The following NIN variants were observed in gnomAD, a reference collection of about 807,000 sequenced individuals.
The protein encoded by NIN is glycogen synthase kinase 3 beta-interacting protein.
In NIN, 137 loss-of-function variants were observed where a neutral mutation model predicts 257.6. The ratio of observed to expected loss-of-function variants is 0.53; its 90% confidence interval spans 0.46 to 0.61. NIN has a LOEUF of 0.61. NIN is among the 20% of genes least tolerant of loss of function. NIN has a pLI of 0.00. For missense variants in NIN, 2,439 were observed against 2,501.2 expected (o/e 0.98, Z 0.53); for synonymous variants, 918 against 919.8 (o/e 1.00, Z 0.04).
At chr14:50,759,160 T>C (rs1374714750) in intron 17 of NIN, among the ~76,000 whole-genome samples, 4 of 152,208 alleles carry the variant, frequency 2.6e-5, no homozygotes, top group African/African-American at 7.2e-5. Context: ...AATGTAAGCA[T>C]GGAGTGCTGT....
intron 18 of NIN, 73 bp from the exon 19 acceptor site, chr14:50,754,940 C>T: frequency 1.9e-6 from 2 of 1,061,010 alleles, no homozygotes; most frequent in South Asian, 1.6e-5. Flanking sequence ...TTTCTAGTAA[C>T]TTCCAAAAGG....
chr14:50,787,838 T>A (rs1243675671), intron 5 of NIN, among the ~76,000 whole-genome samples: 4 of 151,936 alleles, frequency 2.6e-5, no homozygotes, highest in African/African-American at 9.7e-5. Context: ...TTAGCTAGGT[T>A]ACAGTAGCCT....
intron 29 of NIN, among the ~76,000 whole-genome samples, chr14:50,728,926 A>C (rs527408029): frequency 6.6e-6 from 1 of 152,360 alleles, no homozygotes; most frequent in South Asian, 2.1e-4. Context: ...ATTTGTTGTG[A>C]AAAGTCATCA....
At chr14:50,827,075 C>T (rs180877339) in intron 2 of NIN, among the ~76,000 whole-genome samples, 10 of 152,318 alleles carry the variant, frequency 6.6e-5, no homozygotes, top group South Asian at 6.2e-4. Flanking sequence ...AGCCTAATAA[C>T]GCCAATGATC....
In NIN at chr14:50,823,195, T is replaced by G. The variant is rs766882330; in HGVS notation, c.-21-1118A>C. The G allele has an allele frequency of 8.8e-6, 5 of 568,618 alleles. No individual in the cohort carries two copies. In the Admixed American group the frequency reaches 9.6e-5, roughly 11 times the overall value. The allele number at this position is 568,618 out of a possible 1,614,324, so 35.2% of individuals were successfully genotyped here. ...CTTGCATGACAGTTCATTTTTAACG[T>G]GCTGGATTTTCCGATGAAAGCCTGA... On this transcript the variant is annotated intron_variant, in intron 2 of 30. Transcript: ENST00000530997.
At position 50,763,875 on chromosome 14, in the gene NIN, T is replaced by C. The variant is rs1199605165; in HGVS notation, c.1725A>G (p.Ser575=). Residue 575 remains serine, a synonymous_variant, in exon 15 of 31, where the codon TCA becomes TCG. Transcript: ENST00000530997. The part of the protein sequence containing the change: ...GRVLRLPLKN[S]PSEEVEANSG... ...TGTTAGCCTCAACTTCTTCTGACGGTGAGTTCTTCAACGGAAGCCTGAGCA... is the reference window on the plus strand; with the variant it reads ...TGTTAGCCTCAACTTCTTCTGACGGCGAGTTCTTCAACGGAAGCCTGAGCA... The C allele has an allele frequency of 6.2e-7, 1 of 1,614,086 alleles. No individual in the cohort carries two copies. Among genetic ancestry groups the C allele is most frequent in the Admixed American group, 1.7e-5 (1 of 60,024 alleles).
At chr14:50,831,179 G>A (rs1384714423), upstream of NIN, 1 of 150,998 alleles carries the variant, frequency 6.6e-6, no homozygotes, top group Non-Finnish European at 1.5e-5. Context: ...GCGCGGGGAG[G>A]AGGAGTCAGG....
chr14:50,723,958 G>T, intron 30 of NIN: 2 of 332,712 alleles, frequency 6.0e-6, no homozygotes, highest in South Asian at 9.5e-5. Flanking sequence ...ACCTAAATAG[G>T]CATTATTTCT....
chr14:50,730,655 T>A (rs1398954008), intron 28 of NIN, among the ~76,000 whole-genome samples: 1 of 152,202 alleles, frequency 6.6e-6, no homozygotes, highest in Non-Finnish European at 1.5e-5. Flanking sequence ...TAGTTGTAGA[T>A]TCAGAAAACC....
chr14:50,816,373 A>T (rs1397864414), intron 3 of NIN, among the ~76,000 whole-genome samples: 1 of 152,170 alleles, frequency 6.6e-6, no homozygotes, highest in Non-Finnish European at 1.5e-5. Context: ...ATCAAAGTTG[A>T]AGGGAAAAAT....
chr14:50,811,717 C>T (rs113337019), intron 3 of NIN, among the ~76,000 whole-genome samples: 6,837 of 151,654 alleles, frequency 0.045, 275 homozygotes, highest in East Asian at 0.14. Flanking sequence ...CTTAGCAACA[C>T]GGTGAAATCC....
chr14:50,725,708 CA>C (rs2040381777), intron 30 of NIN: 1 of 595,138 alleles, frequency 1.7e-6, no homozygotes, highest in Admixed American at 3.2e-5. Flanking sequence ...ATCATGTTAG[CA>C]AAGATTTACA....
intron 10 of NIN, 76 bp downstream of exon 10, chr14:50,771,256 C>A: frequency 6.5e-7 from 1 of 1,534,018 alleles, no homozygotes; most frequent in Non-Finnish European, 8.9e-7. Flanking sequence ...AGAAGGATGT[C>A]CATCCAAGGC....
chr14:50,720,257 A>T lies in NIN; in HGVS notation c.*3206T>A. 1 of 222,666 alleles carries T rather than the reference A, an allele frequency of 4.5e-6. No individual in the cohort carries two copies. Among genetic ancestry groups the T allele is most frequent in the East Asian group, 6.5e-5 (1 of 15,284 alleles). 13.8% of individuals were successfully genotyped at this position (222,666 alleles called of 1,614,324 possible). On this transcript the variant is annotated 3_prime_UTR_variant, in exon 31 of 31. Transcript: ENST00000530997. ...TCCAATGAGTCACTACAGGTAATCC[A>T]TTCAAAACATGACTTGCTTAATACT...
chr14:50,815,196 A>C (rs1237416120), intron 3 of NIN, among the ~76,000 whole-genome samples: 1 of 152,218 alleles, frequency 6.6e-6, no homozygotes, highest in Non-Finnish European at 1.5e-5. Flanking sequence ...CATTTACAAG[A>C]AAAAAACAAA....
chr14:50,811,647 C>T (rs1162847399), intron 3 of NIN, among the ~76,000 whole-genome samples: 1 of 138,928 alleles, frequency 7.2e-6, no homozygotes, highest in African/African-American at 2.7e-5. Context: ...CACCTGTAAT[C>T]CCAGCACTTT....
At chr14:50,734,598 T>C (rs369187456) in intron 28 of NIN, among the ~76,000 whole-genome samples, 1 of 152,196 alleles carries the variant, frequency 6.6e-6, no homozygotes, top group South Asian at 2.1e-4. Flanking sequence ...ATCCTATAAT[T>C]AAACTCGGTA....
At chr14:50,781,347 T>C (rs1026147047) in intron 5 of NIN, among the ~76,000 whole-genome samples, 5 of 152,126 alleles carry the variant, frequency 3.3e-5, no homozygotes, top group East Asian at 1.9e-4. Context: ...AGAGTCCCAG[T>C]TGGAATATAC....
At chr14:50,780,035 G>A (rs559371706) in intron 5 of NIN, among the ~76,000 whole-genome samples, 1 of 152,308 alleles carries the variant, frequency 6.6e-6, no homozygotes, top group East Asian at 1.9e-4. Flanking sequence ...CTGCATAAAA[G>A]TGCCCCGCTA....
Sources: allele counts gnomAD v4.1 joint callset (sites outside exome capture counted in the v4.1 genomes callset), GRCh38; gene constraint gnomAD v4.1.1; transcripts MANE v1.5; gene names NCBI Gene and HGNC (gene_info 2026-07-23, HGNC 2026-07-21).